Variants in PALD1 observed in about 807,000 individuals in gnomAD.
The protein encoded by PALD1 is paladin.
Under a neutral mutation model 96.0 loss-of-function variants are expected in PALD1, and 57 were observed. That is an observed-to-expected ratio of 0.59 (90% confidence interval 0.48 to 0.74). The LOEUF (loss-of-function observed/expected upper bound fraction) is 0.74, where lower values mean the gene tolerates loss of function less well. Among genes scored for constraint, PALD1 ranks in the 30% least tolerant of loss-of-function variants. PALD1 has a pLI of 0.00. For synonymous variants in PALD1, 464 were observed against 473.6 expected, an observed-to-expected ratio of 0.98 and a Z score of 0.26; for missense variants, 1,063 against 1,143.7, an observed-to-expected ratio of 0.93 and a Z score of 1.02.
chr10:70,488,058 A>G (rs1407906820), intron 1 of PALD1, among the ~76,000 whole-genome samples: 1 of 152,162 alleles, frequency 6.6e-6, no homozygotes, highest in Non-Finnish European at 1.5e-5. Flanking sequence ...AATCAGTTCC[A>G]TTCCTTTTTT....
At chr10:70,507,575 C>T (rs2132307759) in intron 1 of PALD1, among the ~76,000 whole-genome samples, 1 of 152,302 alleles carries the variant, frequency 6.6e-6, no homozygotes, top group South Asian at 2.1e-4. Context: ...GTGTGCACCA[C>T]CTTGCCTGGC....
At chr10:70,469,573 C>G in the PALD1 span, among the ~76,000 whole-genome samples, 1 of 151,994 alleles carries the variant, frequency 6.6e-6, no homozygotes, top group African/African-American at 2.4e-5. Context: ...CCTGGGCCAC[C>G]CCTGCCTGCT....
chr10:70,508,784 C>CGTGT (rs111850326), intron 1 of PALD1, among the ~76,000 whole-genome samples: 20,968 of 99,080 alleles, frequency 0.21, 2,952 homozygotes, highest in Admixed American at 0.3. Context: ...CTCTGTATGG[C>CGTGT]GTGTGTGTGT....
the PALD1 span, among the ~76,000 whole-genome samples, chr10:70,463,911 G>A: frequency 1.3e-5 from 2 of 152,188 alleles, no homozygotes; most frequent in African/African-American, 2.4e-5. Flanking sequence ...CTTGACCAGT[G>A]TGGAAAGAAG....
At chr10:70,525,350 C>G (rs974981948) in intron 1 of PALD1, among the ~76,000 whole-genome samples, 11 of 152,228 alleles carry the variant, frequency 7.2e-5, no homozygotes, top group African/African-American at 2.6e-4. Flanking sequence ...AGTTTGGGGC[C>G]TGGTATTTTC....
At chr10:70,501,087 C>T (rs1437983599) in intron 1 of PALD1, among the ~76,000 whole-genome samples, 5 of 152,176 alleles carry the variant, frequency 3.3e-5, no homozygotes, top group African/African-American at 1.2e-4. Context: ...ACCTTTCCTG[C>T]CACTGAGGGA....
At chr10:70,490,273 G>A (rs977574573) in intron 1 of PALD1, among the ~76,000 whole-genome samples, 1 of 152,130 alleles carries the variant, frequency 6.6e-6, no homozygotes, top group African/African-American at 2.4e-5. Context: ...TCAGGCTGGG[G>A]TGCAGTGGTG....
rs1847210018 is a variant in PALD1, at chr10:70,540,039, ATATGTGT to A, written c.1908+281_1908+287del. On this transcript the variant is annotated intron_variant, in intron 15 of 19. Coordinates refer to ENST00000263563, the MANE Select transcript of PALD1 (RefSeq NM_014431.3). This position sits in a 1 kb window ranked among gnomAD's most constrained non-coding sequence, Gnocchi z 4.2. The stretch of plus-strand genomic sequence containing the variant: ...AGTGTGTATTCTGTTACGTATGTGC[ATATGTGT>A]TATAAGATGTGTGTACATGTGTTTA... Among the ~76,000 whole-genome samples the A allele has an allele frequency of 6.6e-6, 1 of 151,862 alleles. No individual in the cohort carries two copies. Among genetic ancestry groups the A allele is most frequent in the Non-Finnish European group, 1.5e-5 (1 of 67,990 alleles).
chr10:70,538,918 C>T lies in PALD1; in HGVS notation c.1479C>T (p.Asp493=), dbSNP rs751705822. 48 of 1,613,606 alleles carry T rather than the reference C, an allele frequency of 3.0e-5. No homozygotes were observed. The Middle Eastern group carries it at 4.9e-4, about 17-fold the overall frequency. ...GGGAGGACGATCTGGTCTCCCCGGA[C>T]GCGCTCAGCACTGTCAGAGAGATGG... is the stretch of plus-strand genomic sequence containing the variant. ...SLREDDLVSP[D]ALSTVREMDV... The change falls in exon 13 of 20, where the codon GAC becomes GAT. Residue 493 remains aspartate, a synonymous_variant. Coordinates refer to ENST00000263563, the MANE Select transcript of PALD1 (RefSeq NM_014431.3).
intron 18 of PALD1, among the ~76,000 whole-genome samples, chr10:70,561,802 C>T (rs540551250): frequency 1.3e-5 from 2 of 152,298 alleles, no homozygotes; most frequent in South Asian, 2.1e-4. Context: ...ACCTCATTCT[C>T]GGGCCCCCTT....
intron 1 of PALD1, among the ~76,000 whole-genome samples, chr10:70,508,167 G>A (rs1490835549): frequency 6.6e-6 from 1 of 152,170 alleles, no homozygotes; most frequent in Non-Finnish European, 1.5e-5. Flanking sequence ...AAACTGGCTG[G>A]GCCAGACCAT....
At chr10:70,492,437 T>A (rs1417702771) in intron 1 of PALD1, among the ~76,000 whole-genome samples, 1 of 146,670 alleles carries the variant, frequency 6.8e-6, no homozygotes, top group Non-Finnish European at 1.5e-5. Context: ...CAGAATTAAA[T>A]GCATTTTTGA....
intron 19 of PALD1, among the ~76,000 whole-genome samples, chr10:70,565,142 G>C (rs757520730): frequency 6.6e-6 from 1 of 152,194 alleles, no homozygotes; most frequent in Non-Finnish European, 1.5e-5. Context: ...TGTGATTGTC[G>C]CTCTCCCATT....
chr10:70,506,712 T>TG (rs1846398921), intron 1 of PALD1, among the ~76,000 whole-genome samples: 1 of 152,128 alleles, frequency 6.6e-6, no homozygotes, highest in Non-Finnish European at 1.5e-5. Context: ...CCATTTTACT[T>TG]GCCCCTCTGA....
At chr10:70,499,498 C>T (rs990542688) in intron 1 of PALD1, among the ~76,000 whole-genome samples, 4 of 152,204 alleles carry the variant, frequency 2.6e-5, no homozygotes, top group Non-Finnish European at 5.9e-5. Context: ...CTGGGGTGGC[C>T]ACACGGCAGG....
At chr10:70,521,825 G>A (rs1353980204) in intron 1 of PALD1, among the ~76,000 whole-genome samples, 4 of 151,838 alleles carry the variant, frequency 2.6e-5, no homozygotes, top group African/African-American at 7.3e-5. Context: ...TGAAGCAAGC[G>A]CAGCTGGTTT....
rs1360068504 is a variant in PALD1, at chr10:70,539,885, T to G, written c.1908+123T>G. The G allele has an allele frequency of 3.7e-6, 3 of 813,140 alleles. No homozygotes were observed. In the African/African-American group the frequency reaches 5.2e-5, roughly 14 times the overall value. 50.4% of individuals were successfully genotyped at this position (813,140 alleles called of 1,614,324 possible). A position where few individuals can be genotyped will look rare whatever the true frequency, so the allele number is the denominator to read the frequency against. On this transcript the variant is annotated intron_variant, in intron 15 of 19. Transcript: ENST00000263563. The surrounding 1 kb of genome is among the most constrained non-coding windows in gnomAD (Gnocchi z 4.5). ...TTCTCTACGGGGCCCGGGAATGGTC[T>G]CACGAGGTTTTCCGATTTGGCCCAA... is the stretch of plus-strand genomic sequence containing the variant.
chr10:70,531,572 C>A, intron 5 of PALD1, 118 bp downstream of exon 5: 1 of 968,214 alleles, frequency 1.0e-6, no homozygotes, highest in Non-Finnish European at 1.5e-6. Context: ...TTGTGCCCTG[C>A]TTGGGTGAGT....
intron 1 of PALD1, among the ~76,000 whole-genome samples, chr10:70,490,115 G>A (rs1439536455): frequency 6.6e-6 from 1 of 152,048 alleles, no homozygotes; most frequent in African/African-American, 2.4e-5. Flanking sequence ...TAGAGATGAG[G>A]TTTCACCGTG....
Sources: allele counts gnomAD v4.1 joint callset (sites outside exome capture counted in the v4.1 genomes callset), GRCh38; gene constraint gnomAD v4.1.1; non-coding constraint Gnocchi (gnomAD v3.1); transcripts MANE v1.5; gene names NCBI Gene and HGNC (gene_info 2026-07-23, HGNC 2026-07-21).